FAM20C: variants seen among roughly 807,000 people sequenced by gnomAD.
The protein encoded by FAM20C is extracellular serine/threonine protein kinase FAM20C.
FAM20C carries 40 observed loss-of-function variants against 51.5 expected under a neutral mutation model. That is an observed-to-expected ratio of 0.78 (90% CI 0.60 to 1.01). The LOEUF (loss-of-function observed/expected upper bound fraction) is 1.01, where lower values mean the gene tolerates loss of function less well. Ranked by LOEUF, FAM20C falls within the 50% of genes least tolerant of loss-of-function variation. The probability of loss-of-function intolerance (pLI) is 0.00; values close to 1 mark genes in which losing one functional copy is unlikely to be tolerated. For missense variants in FAM20C, 861 were observed against 844.7 expected, an observed-to-expected ratio of 1.02 and a Z score of -0.24; for synonymous variants, 406 against 380.6, an observed-to-expected ratio of 1.07 and a Z score of -0.78.
intron 3 of FAM20C, among the ~76,000 whole-genome samples, 166 bp downstream of exon 3, chr7:209,142 G>A (rs1786587500): frequency 1.3e-5 from 2 of 152,250 alleles, no homozygotes; most frequent in African/African-American, 4.8e-5. Context: ...AACAGAGGTG[G>A]CCTCATTTTC....
intron 7 of FAM20C, 32 bp from the exon 8 acceptor site, chr7:256,973 C>A: frequency 6.5e-7 from 1 of 1,535,654 alleles, no homozygotes; most frequent in Non-Finnish European, 8.7e-7. Context: ...CGGCTCCCCA[C>A]GAGCTGTGAC....
chr7:258,707 T>C lies in FAM20C; in HGVS notation c.1505+2T>C. The C allele has an allele frequency of 6.5e-7, 1 of 1,535,374 alleles. No individual in the cohort carries two copies. Among genetic ancestry groups the C allele is most frequent in the Non-Finnish European group, 8.7e-7 (1 of 1,145,680 alleles). The stretch of plus-strand genomic sequence containing the variant: ...GGTGCCGCTACAGCAGTGCTGCAGG[T>C]ACAGCCCCTGCCGGAGCCGGCTCCA... On this transcript the variant is annotated splice_donor_variant, in intron 9 of 9. Coordinates refer to ENST00000313766, the MANE Select transcript of FAM20C (RefSeq NM_020223.4). LOFTEE classifies it high-confidence loss of function.
Position 230,814 on chromosome 7 carries a change from C to T in FAM20C, c.864-15601C>T, listed in dbSNP as rs532560676. 4.2e-5 allele frequency among the ~76,000 whole-genome samples: 3 copies of T among 70,906 alleles called. 1 individual carries two copies. The South Asian group carries it at 1.7e-3, about 40-fold the overall frequency. 46.5% of individuals were successfully genotyped at this position (70,906 alleles called of 152,430 possible). A position where few individuals can be genotyped will look rare whatever the true frequency, so the allele number is the denominator to read the frequency against. On this transcript the variant is annotated intron_variant, in intron 3 of 9. Coordinates refer to ENST00000313766, the MANE Select transcript of FAM20C (RefSeq NM_020223.4). ...CTCTCAATAATATACTGAATAATAC[C>T]TATCGGTTAATGAAGGGAAGAGTCC...
intron 3 of FAM20C, among the ~76,000 whole-genome samples, chr7:216,642 AGTGTGTGTGAGTGT>A (rs1562376219): frequency 7.5e-6 from 1 of 133,406 alleles, no homozygotes; most frequent in Non-Finnish European, 1.5e-5. Flanking sequence ...AGTGTGTGTG[AGTGTGTGTGAGTGT>A]GTGTGTGAGA....
At chr7:193,928 G>A in intron 1 of FAM20C, 124 bp downstream of exon 1, 4 of 1,357,640 alleles carry the variant, frequency 2.9e-6, no homozygotes, top group East Asian at 5.7e-5. Flanking sequence ...AGTGTGGTGC[G>A]GGAGGAGGCA....
intron 3 of FAM20C, among the ~76,000 whole-genome samples, chr7:231,369 G>A (rs187692758): frequency 4.2e-4 from 64 of 152,212 alleles, no homozygotes; most frequent in African/African-American, 1.5e-3. Context: ...GGAGGGTCCC[G>A]GCGTGGAGGA....
intron 3 of FAM20C, among the ~76,000 whole-genome samples, chr7:223,527 G>A (rs893855810): frequency 5.9e-5 from 9 of 152,218 alleles, no homozygotes; most frequent in South Asian, 4.1e-4. Flanking sequence ...AGGGGCAGGC[G>A]GGCACATGGT....
intron 2 of FAM20C, among the ~76,000 whole-genome samples, chr7:205,965 C>A (rs888415682): frequency 5.9e-5 from 9 of 152,080 alleles, no homozygotes; most frequent in Non-Finnish European, 1.5e-5. Flanking sequence ...ACCAAACCTA[C>A]AAACCCATCT....
chr7:232,599 C>G (rs1162861688), intron 3 of FAM20C, among the ~76,000 whole-genome samples: 1 of 152,236 alleles, frequency 6.6e-6, no homozygotes, highest in Non-Finnish European at 1.5e-5. Flanking sequence ...CCAGTTTCCT[C>G]TATTTTTAAC....
intron 3 of FAM20C, among the ~76,000 whole-genome samples, chr7:229,941 T>G (rs1295997105): frequency 6.6e-6 from 1 of 152,012 alleles, no homozygotes; most frequent in Non-Finnish European, 1.5e-5. Flanking sequence ...CTCCCTGAGT[T>G]TGGCCCTGGA....
In FAM20C at chr7:208,883, C is replaced by T. The variant is rs1274918752; in HGVS notation, c.785-15C>T. 1 of 1,561,314 alleles carries T rather than the reference C, an allele frequency of 6.4e-7. No individual in the cohort carries two copies. On this transcript the variant is annotated splice_polypyrimidine_tract_variant and intron_variant, in intron 2 of 9. Coordinates refer to ENST00000313766, the MANE Select transcript of FAM20C (RefSeq NM_020223.4). ...GGCCAGAGAGTGACCCTGTTTCTCT[C>T]CCTCCTTCCTGCAGCCATGAAGTCG... is the stretch of plus-strand genomic sequence containing the variant.
chr7:247,923 G>A (rs577937502), intron 4 of FAM20C, among the ~76,000 whole-genome samples: 5 of 152,368 alleles, frequency 3.3e-5, no homozygotes, highest in South Asian at 4.1e-4. Flanking sequence ...AAAAGCTCTC[G>A]CCCTGCATTC....
intron 3 of FAM20C, among the ~76,000 whole-genome samples, chr7:232,479 G>A (rs990877901): frequency 1.6e-4 from 25 of 152,218 alleles, no homozygotes; most frequent in Non-Finnish European, 2.5e-4. Flanking sequence ...AGGGGGTCCC[G>A]AAGGTTTTGC....
At chr7:199,725 G>A (rs1363319985) in intron 2 of FAM20C, among the ~76,000 whole-genome samples, 1 of 152,190 alleles carries the variant, frequency 6.6e-6, no homozygotes, top group Non-Finnish European at 1.5e-5. Context: ...CTGGTAACCG[G>A]CCATTGCCAC....
At chr7:254,921 CTCT>C (rs199719736) in intron 5 of FAM20C, among the ~76,000 whole-genome samples, 9,739 of 152,286 alleles carry the variant, frequency 0.064, 502 homozygotes, top group African/African-American at 0.14. Context: ...GGCTTCATTC[CTCT>C]TCTTGTTTCA....
chr7:230,496 G>A (rs1787627964), intron 3 of FAM20C, among the ~76,000 whole-genome samples: 1 of 152,024 alleles, frequency 6.6e-6, no homozygotes, highest in African/African-American at 2.4e-5. Context: ...CCCTTCACGA[G>A]GCTCCTGTGG....
intron 2 of FAM20C, among the ~76,000 whole-genome samples, chr7:196,678 C>T (rs1332802451): frequency 6.6e-6 from 1 of 152,190 alleles, no homozygotes; most frequent in Non-Finnish European, 1.5e-5. Context: ...GTCCCAGCAG[C>T]CTGGGGTTCT....
At chr7:209,308 G>A (rs1028247322) in intron 3 of FAM20C, among the ~76,000 whole-genome samples, 2 of 152,214 alleles carry the variant, frequency 1.3e-5, no homozygotes, top group Admixed American at 6.5e-5. Context: ...GGTGACGTCC[G>A]CACCTTCCCA....
At chr7:223,141 G>A (rs1322790836) in intron 3 of FAM20C, among the ~76,000 whole-genome samples, 2 of 152,152 alleles carry the variant, frequency 1.3e-5, no homozygotes, top group African/African-American at 2.4e-5. Context: ...TTCCTATGAA[G>A]GGCAGATGGG....
Sources: gnomAD v4.1 joint callset for allele counts (sites outside exome capture counted in the v4.1 genomes callset) on GRCh38, gnomAD v4.1.1 for gene constraint, MANE v1.5 for transcripts, NCBI Gene and HGNC (gene_info 2026-07-23, HGNC 2026-07-21) for gene names.